The following STAM variants were observed in gnomAD, a reference collection of about 807,000 sequenced individuals.
The protein encoded by STAM is signal transducing adapter molecule 1.
In STAM, 16 loss-of-function variants were observed where a neutral mutation model predicts 63.4. The observed-to-expected ratio is 0.25, with a 90% CI of 0.17 to 0.38. The LOEUF is 0.38. Among genes scored for constraint, STAM ranks in the 10% least tolerant of loss-of-function variants. The probability of loss-of-function intolerance (pLI) is 1.00; values close to 1 mark genes in which losing one functional copy is unlikely to be tolerated. For synonymous variants in STAM, 238 were observed against 223.9 expected (o/e 1.06, Z -0.56); for missense variants, 636 against 657.1 (o/e 0.97, Z 0.35).
intron 1 of STAM, among the ~76,000 whole-genome samples, chr10:17,653,587 C>A (rs74990719): frequency 0.023 from 3,474 of 152,202 alleles, 138 homozygotes; most frequent in African/African-American, 0.079. Flanking sequence ...ATTCAAACAA[C>A]AGTGGATCAA....
intron 4 of STAM, among the ~76,000 whole-genome samples, chr10:17,685,226 A>T (rs1189243526): frequency 6.6e-6 from 1 of 152,348 alleles, no homozygotes; most frequent in African/African-American, 2.4e-5. Flanking sequence ...TCTATTTTAC[A>T]TACTGTTTTT....
chr10:17,681,733 G>T (rs1283574014), intron 2 of STAM, among the ~76,000 whole-genome samples: 2 of 152,210 alleles, frequency 1.3e-5, no homozygotes, highest in African/African-American at 4.8e-5. Context: ...GCATGTTTAA[G>T]TGACAGGTAT....
chr10:17,644,939 T>C (rs553688633), intron 1 of STAM, among the ~76,000 whole-genome samples: 40 of 152,314 alleles, frequency 2.6e-4, no homozygotes, highest in African/African-American at 9.1e-4. Context: ...TGAAACCGAA[T>C]TGAGGACCTG....
intron 1 of STAM, among the ~76,000 whole-genome samples, chr10:17,654,706 T>TGATA: frequency 1.3e-5 from 2 of 152,304 alleles, no homozygotes; most frequent in South Asian, 4.1e-4. Flanking sequence ...ACTTGAGCAA[T>TGATA]GATAGGTAAA....
At chr10:17,647,248 T>G (rs1340768051) in intron 1 of STAM, among the ~76,000 whole-genome samples, 1 of 152,214 alleles carries the variant, frequency 6.6e-6, no homozygotes, top group Non-Finnish European at 1.5e-5. Context: ...GATAACTTAT[T>G]TCATCAAGTT....
chr10:17,660,314 A>T (rs554613224), intron 1 of STAM, 150 bp from the exon 2 acceptor site: 3 of 495,300 alleles, frequency 6.1e-6, no homozygotes, highest in African/African-American at 4.0e-5. Context: ...CATCTTTTCA[A>T]GATGGCCATG....
chr10:17,714,512 G>T, intron 13 of STAM, 31 bp from the exon 14 acceptor site: 3 of 1,585,634 alleles, frequency 1.9e-6, no homozygotes, highest in South Asian at 2.2e-5. Flanking sequence ...AATCAGTATT[G>T]ATGTAATTGA....
intron 4 of STAM, among the ~76,000 whole-genome samples, chr10:17,686,103 C>A (rs1340831096): frequency 6.6e-6 from 1 of 152,090 alleles, no homozygotes; most frequent in African/African-American, 2.4e-5. Context: ...ATAATTCTTT[C>A]CCTTTCCTGC....
At position 17,658,659 on chromosome 10, in the gene STAM, A is replaced by G. The variant is rs75036766; in HGVS notation, c.41-1805A>G. On this transcript the variant is annotated intron_variant, in intron 1 of 13. Transcript: ENST00000377524. ...CTGAGTATGTTCAGCTAATTTTTGT[A>G]TTTTTTTTGTAGAGGAGAGGTTTCG... 2.6e-3 allele frequency among the ~76,000 whole-genome samples: 386 copies of G among 151,256 alleles called. 2 individuals carry two copies. The highest frequency in any genetic ancestry group is 0.01 in the Middle Eastern group (3 of 294).
At chr10:17,689,207 T>TA (rs1360973709) in intron 5 of STAM, among the ~76,000 whole-genome samples, 2 of 152,314 alleles carry the variant, frequency 1.3e-5, no homozygotes, top group East Asian at 3.9e-4. Context: ...TCAAGAGGCT[T>TA]AAAATATGTG....
At chr10:17,665,203 A>C (rs1050923892) in intron 2 of STAM, among the ~76,000 whole-genome samples, 2 of 152,272 alleles carry the variant, frequency 1.3e-5, no homozygotes, top group African/African-American at 4.8e-5. Context: ...AAAAGGAAAA[A>C]ACCAGACAAA....
At chr10:17,685,338 G>C (rs936728497) in intron 4 of STAM, among the ~76,000 whole-genome samples, 2 of 152,064 alleles carry the variant, frequency 1.3e-5, no homozygotes, top group African/African-American at 4.8e-5. Context: ...CTGCTTCCTG[G>C]CCATCACAGG....
At chr10:17,703,155 C>T (rs60168036) in intron 9 of STAM, among the ~76,000 whole-genome samples, 336 of 151,878 alleles carry the variant, frequency 2.2e-3, no homozygotes, top group African/African-American at 7.8e-3. Flanking sequence ...AAAACGGAAA[C>T]CATCTGTGTG....
chr10:17,687,674 G>A (rs1336434431), intron 4 of STAM, among the ~76,000 whole-genome samples: 2 of 152,148 alleles, frequency 1.3e-5, no homozygotes, highest in African/African-American at 4.8e-5. Context: ...TAAAGGAACT[G>A]TATCATTTAT....
chr10:17,698,912 A>G (rs1835874360), intron 8 of STAM, among the ~76,000 whole-genome samples: 1 of 152,228 alleles, frequency 6.6e-6, no homozygotes, highest in Non-Finnish European at 1.5e-5. Flanking sequence ...AAATGTCTGC[A>G]GCAGATGTTT....
intron 2 of STAM, among the ~76,000 whole-genome samples, chr10:17,670,517 A>G (rs1834592843): frequency 6.6e-6 from 1 of 152,166 alleles, no homozygotes; most frequent in East Asian, 1.9e-4. Flanking sequence ...CCAATCTTAC[A>G]TTAAAGTTTT....
chr10:17,708,596 T>C (rs1163982903), intron 12 of STAM, among the ~76,000 whole-genome samples, 180 bp from the exon 13 acceptor site: 2 of 152,172 alleles, frequency 1.3e-5, no homozygotes, highest in Admixed American at 6.5e-5. Context: ...ATGAAAACCA[T>C]CAACAGCCTA....
chr10:17,704,083 A>AGTTG (rs1423996290), intron 9 of STAM, among the ~76,000 whole-genome samples: 15 of 152,296 alleles, frequency 9.8e-5, no homozygotes, highest in African/African-American at 3.6e-4. Context: ...CTCTGTTAGC[A>AGTTG]GTTGGTTGGT....
Position 17,688,150 on chromosome 10 carries a change from AC to A in STAM, c.422del (p.Thr141SerfsTer20). The A allele has an allele frequency of 1.3e-6, 2 of 1,577,656 alleles. No homozygotes were observed. Among genetic ancestry groups the A allele is most frequent in the Non-Finnish European group, 1.7e-6 (2 of 1,162,520 alleles). On this transcript the variant is annotated frameshift_variant, in exon 5 of 14. Transcript: ENST00000377524. LOFTEE classifies it high-confidence loss of function. ...TAAGAACCTTAAGGAACAAGGAGTT[AC>A]GTTCCCAGCTATTGGCTCTCAGGTA... ...MIKNLKEQGV[T>X]FPAIGSQAAE...
Sources: allele counts gnomAD v4.1 joint callset (sites outside exome capture counted in the v4.1 genomes callset), GRCh38; gene constraint gnomAD v4.1.1; transcripts MANE v1.5; gene names NCBI Gene and HGNC (gene_info 2026-07-23, HGNC 2026-07-21).